Variants in ZNF407 observed in about 807,000 individuals in gnomAD.
ZNF407 encodes zinc finger protein 407.
A neutral mutation model predicts 131.2 loss-of-function variants in ZNF407; 17 were observed. The ratio of observed to expected loss-of-function variants is 0.13; its 90% CI spans 0.09 to 0.19. The LOEUF is 0.19. Ranked by LOEUF, ZNF407 falls within the 10% of genes least tolerant of loss-of-function variation. The probability of loss-of-function intolerance (pLI) is 1.00; values close to 1 mark genes in which losing one functional copy is unlikely to be tolerated. For missense variants in ZNF407, 2,681 were observed against 2,830.6 expected, an observed-to-expected ratio of 0.95 and a Z score of 1.20; for synonymous variants, 1,156 against 1,062.0, an observed-to-expected ratio of 1.09 and a Z score of -1.72.
At chr18:74,755,582 G>GTTTTTTTTTTTTTTTTTTTTTTT (rs541126314) in intron 3 of ZNF407, among the ~76,000 whole-genome samples, 2 of 87,360 alleles carry the variant, frequency 2.3e-5, no homozygotes, top group African/African-American at 1.1e-4. Context: ...CTCCTTTCTG[G>GTTTTTTTTTTTTTTTTTTTTTTT]TTTTTTTTTT....
intron 4 of ZNF407, among the ~76,000 whole-genome samples, chr18:74,781,744 C>T (rs1206029157): frequency 1.3e-5 from 2 of 151,996 alleles, no homozygotes; most frequent in African/African-American, 4.8e-5. Context: ...TGTGAAACAA[C>T]CTTGAAATAC....
chr18:74,944,361 G>A (rs1400757396), intron 8 of ZNF407, among the ~76,000 whole-genome samples: 2 of 152,162 alleles, frequency 1.3e-5, no homozygotes, highest in Admixed American at 1.3e-4. Flanking sequence ...CAAAGTGTCA[G>A]AAAAGGTTAA....
At chr18:74,993,267 A>T (rs931439540) in intron 8 of ZNF407, among the ~76,000 whole-genome samples, 1 of 152,264 alleles carries the variant, frequency 6.6e-6, no homozygotes, top group East Asian at 1.9e-4. Context: ...AGTGCCCATC[A>T]ACAGCAGATG....
chr18:74,957,074 T>C (rs1972284046), intron 8 of ZNF407, among the ~76,000 whole-genome samples: 2 of 152,166 alleles, frequency 1.3e-5, no homozygotes, highest in African/African-American at 2.4e-5. Context: ...TGAGTTGAAC[T>C]TAAGAGAAAG....
At chr18:74,600,924 G>A (rs1982551042) in intron 1 of ZNF407, among the ~76,000 whole-genome samples, 1 of 152,162 alleles carries the variant, frequency 6.6e-6, no homozygotes, top group Non-Finnish European at 1.5e-5. Context: ...GAGACCAGTT[G>A]GCATGGTGTA....
intron 7 of ZNF407, among the ~76,000 whole-genome samples, chr18:74,915,643 C>T: frequency 9.1e-5 from 6 of 66,170 alleles, no homozygotes; most frequent in South Asian, 6.5e-4. Context: ...TGTGTGCGTG[C>T]ATGTGTGTGC....
In ZNF407 at chr18:74,632,344, A is replaced by T; in HGVS notation, c.1325A>T (p.Lys442Ile). ...TTCACCTTGAAGGGCCAGGCAAAGA[A>T]AAGGTTTAATCTTTTAGGAATTAAA... is the stretch of plus-strand genomic sequence containing the variant. ...STFTLKGQAK[K>I]RFNLLGIKRG... Residue 442 changes from lysine (K) to isoleucine (I), a missense_variant, in exon 2 of 9, where the codon AAA becomes ATA. Coordinates refer to ENST00000299687, the MANE Select transcript of ZNF407 (RefSeq NM_017757.3). The T allele has an allele frequency of 6.2e-7, 1 of 1,614,026 alleles. No homozygotes were observed. The highest frequency in any genetic ancestry group is 8.5e-7 in the Non-Finnish European group (1 of 1,179,898).
At chr18:75,020,702 A>G (rs1040430734) in intron 8 of ZNF407, among the ~76,000 whole-genome samples, 3 of 152,214 alleles carry the variant, frequency 2.0e-5, no homozygotes, top group Non-Finnish European at 2.9e-5. Flanking sequence ...ACAAAGATAA[A>G]TAATAACTTT....
chr18:75,057,482 T>C (rs1973574362), intron 8 of ZNF407, among the ~76,000 whole-genome samples: 2 of 152,214 alleles, frequency 1.3e-5, no homozygotes, highest in Admixed American at 6.5e-5. Context: ...TTACAAGTTT[T>C]TTTTTAAACC....
intron 8 of ZNF407, among the ~76,000 whole-genome samples, chr18:74,977,743 GTTC>G (rs1395972767): frequency 3.3e-5 from 5 of 152,064 alleles, no homozygotes; most frequent in South Asian, 4.2e-4. Flanking sequence ...GTCAGAATAC[GTTC>G]TTCTTCTTTT....
At chr18:74,829,737 A>G (rs973066830) in intron 4 of ZNF407, among the ~76,000 whole-genome samples, 9 of 151,520 alleles carry the variant, frequency 5.9e-5, no homozygotes, top group African/African-American at 1.9e-4. Flanking sequence ...ATTAGGTTTT[A>G]TAGCATCTTT....
At chr18:74,734,089 C>G (rs572203229) in intron 3 of ZNF407, among the ~76,000 whole-genome samples, 1 of 152,268 alleles carries the variant, frequency 6.6e-6, no homozygotes, top group South Asian at 2.1e-4. Flanking sequence ...GAACGATCTT[C>G]CTGCTGTTTG....
At chr18:74,947,986 G>A (rs1044577725) in intron 8 of ZNF407, among the ~76,000 whole-genome samples, 2 of 152,136 alleles carry the variant, frequency 1.3e-5, no homozygotes, top group African/African-American at 4.8e-5. Context: ...TGACTTCAGA[G>A]GTAAAATAAT....
chr18:74,862,989 T>G (rs1294767000), intron 4 of ZNF407, among the ~76,000 whole-genome samples: 1 of 151,842 alleles, frequency 6.6e-6, no homozygotes, highest in African/African-American at 2.4e-5. Flanking sequence ...GGCACGATCT[T>G]GGCTCATTGC....
intron 3 of ZNF407, among the ~76,000 whole-genome samples, chr18:74,666,605 C>T (rs1467939305): frequency 6.6e-6 from 1 of 152,154 alleles, no homozygotes; most frequent in Non-Finnish European, 1.5e-5. Flanking sequence ...CACCTTGAGA[C>T]TGAGTATGTC....
chr18:74,654,716 A>G (rs190196420), intron 3 of ZNF407, among the ~76,000 whole-genome samples: 2 of 152,000 alleles, frequency 1.3e-5, no homozygotes, highest in Admixed American at 1.3e-4. Context: ...ATAACAAATT[A>G]AATTTATCTT....
intron 3 of ZNF407, among the ~76,000 whole-genome samples, chr18:74,777,329 G>A (rs1323664701): frequency 1.3e-5 from 2 of 151,864 alleles, no homozygotes; most frequent in African/African-American, 4.8e-5. Flanking sequence ...CTTGTAAGTC[G>A]ATCAATATTT....
At chr18:74,914,848 A>C (rs568792621) in intron 7 of ZNF407, among the ~76,000 whole-genome samples, 1 of 152,276 alleles carries the variant, frequency 6.6e-6, no homozygotes, top group East Asian at 1.9e-4. Context: ...GACAGTTCTT[A>C]GTGAATCCCC....
chr18:74,886,247 A>G (rs1328527359), intron 6 of ZNF407, among the ~76,000 whole-genome samples: 4 of 152,168 alleles, frequency 2.6e-5, no homozygotes, highest in African/African-American at 4.8e-5. Flanking sequence ...GCAGGTGTAA[A>G]GCGTTGACTA....
Sources: gnomAD v4.1 joint callset for allele counts (sites outside exome capture counted in the v4.1 genomes callset) on GRCh38, gnomAD v4.1.1 for gene constraint, MANE v1.5 for transcripts, NCBI Gene and HGNC (gene_info 2026-07-23, HGNC 2026-07-21) for gene names.